NTRK3: variants seen among roughly 807,000 people sequenced by gnomAD.
NTRK3 encodes neurotrophic receptor tyrosine kinase 3, also known as NT-3 growth factor receptor.
NTRK3 carries 24 observed loss-of-function variants against 91.7 expected under a neutral mutation model. That is an observed-to-expected ratio of 0.26 (90% CI 0.19 to 0.37). The LOEUF (loss-of-function observed/expected upper bound fraction) is 0.37. NTRK3 is among the 10% of genes least tolerant of loss of function. NTRK3 has a pLI of 1.00. For missense variants in NTRK3, 880 were observed against 1,068.9 expected (o/e 0.82, Z 2.46); for synonymous variants, 483 against 404.0 (o/e 1.20, Z -2.34).
At chr15:88,029,021 A>C (rs1167591019) in intron 14 of NTRK3, among the ~76,000 whole-genome samples, 2 of 152,218 alleles carry the variant, frequency 1.3e-5, no homozygotes, top group African/African-American at 2.4e-5. Flanking sequence ...CAAGTGACCC[A>C]TCTGGACTGG....
intron 17 of NTRK3, among the ~76,000 whole-genome samples, chr15:87,891,608 G>A (rs189648557): frequency 1.3e-3 from 199 of 152,180 alleles, no homozygotes; most frequent in African/African-American, 4.6e-3. Context: ...CCCTATCTTA[G>A]ATAAAATGTA....
In NTRK3 at chr15:87,872,374, T is replaced by C. The variant is rs186894753; in HGVS notation, c.*4561A>G. 1.2e-4 allele frequency: 27 copies of C among 224,854 alleles called. 1 individual carries two copies. In the East Asian group the frequency reaches 1.7e-3, roughly 14 times the overall value. 13.9% of individuals were successfully genotyped at this position (224,854 alleles called of 1,614,324 possible). ...AGTCATTCCTGAATAGAAAAGGACT[T>C]TGGTGAATAGTCTGCAACTTAAGAC... On this transcript the variant is annotated 3_prime_UTR_variant, in exon 19 of 19. Coordinates refer to ENST00000394480, the Ensembl canonical transcript of NTRK3.
At chr15:87,990,269 T>C (rs2075185300) in intron 14 of NTRK3, among the ~76,000 whole-genome samples, 1 of 152,168 alleles carries the variant, frequency 6.6e-6, no homozygotes, top group Non-Finnish European at 1.5e-5. Context: ...TTCAGACTCT[T>C]TTCTTCACTA....
At chr15:88,032,941 C>T (rs2142020202) in exon 14 of NTRK3, 1 of 1,613,550 alleles carries the variant, frequency 6.2e-7, no homozygotes, top group Non-Finnish European at 8.5e-7. Flanking sequence ...CCAATGACCA[C>T]AGTGTCGGGC....
intron 14 of NTRK3, among the ~76,000 whole-genome samples, chr15:87,945,625 G>C (rs1235917764): frequency 6.7e-6 from 1 of 150,368 alleles, no homozygotes; most frequent in Admixed American, 6.6e-5. Flanking sequence ...TATACACAGA[G>C]CCGCTGGATA....
chr15:88,145,598 C>T lies in NTRK3; in HGVS notation c.464+1737G>A, dbSNP rs1352641774. Among the ~76,000 whole-genome samples the T allele has an allele frequency of 4.6e-5, 7 of 152,258 alleles. No individual in the cohort carries two copies. The East Asian group carries it at 1.2e-3, about 25-fold the overall frequency. ...CGGAACAACTGTTTCTAAAACTCCA[C>T]GTAACAGGTCACCAGGGCAGCAGCA... On this transcript the variant is annotated intron_variant, in intron 6 of 18. Transcript: ENST00000394480.
chr15:88,137,674 G>C, intron 6 of NTRK3, 113 bp from the exon 7 acceptor site: 1 of 1,043,926 alleles, frequency 9.6e-7, no homozygotes, highest in Non-Finnish European at 1.4e-6. Flanking sequence ...AGGGGAGAAG[G>C]GATTTAACAA....
At chr15:87,878,841 C>T (rs566914782) in intron 18 of NTRK3, among the ~76,000 whole-genome samples, 2 of 151,982 alleles carry the variant, frequency 1.3e-5, no homozygotes, top group Non-Finnish European at 2.9e-5. Flanking sequence ...ATAGCAACCT[C>T]AGCCCAGAAC....
intron 5 of NTRK3, among the ~76,000 whole-genome samples, chr15:88,157,554 T>A (rs978464608): frequency 6.6e-6 from 1 of 151,400 alleles, no homozygotes; most frequent in African/African-American, 2.4e-5. Context: ...AGCCCTTCCC[T>A]GTTCCCTCCA....
chr15:88,114,524 A>G (rs1199552029), intron 13 of NTRK3, among the ~76,000 whole-genome samples: 1 of 152,226 alleles, frequency 6.6e-6, no homozygotes. Context: ...CTAAAATATC[A>G]TTCTTGGTAT....
intron 17 of NTRK3, among the ~76,000 whole-genome samples, chr15:87,910,796 C>G (rs1379118091): frequency 6.6e-6 from 1 of 152,134 alleles, no homozygotes; most frequent in Admixed American, 6.5e-5. Flanking sequence ...CTATGCATCA[C>G]TGGCAGTTGC....
intron 17 of NTRK3, among the ~76,000 whole-genome samples, chr15:87,888,566 A>T (rs1415704254): frequency 6.6e-6 from 1 of 152,166 alleles, no homozygotes; most frequent in Non-Finnish European, 1.5e-5. Flanking sequence ...TGATTCCCAT[A>T]GTCCCTTGGC....
chr15:88,037,038 T>C (rs2079136430), intron 13 of NTRK3, among the ~76,000 whole-genome samples: 1 of 152,166 alleles, frequency 6.6e-6, no homozygotes, highest in Admixed American at 6.5e-5. Flanking sequence ...TATTTGAGGA[T>C]TTGAAAAAGC....
At chr15:87,984,592 C>T (rs74809588) in intron 14 of NTRK3, among the ~76,000 whole-genome samples, 4,545 of 152,338 alleles carry the variant, frequency 0.03, 245 homozygotes, top group African/African-American at 0.1. Context: ...TCTTTTATTA[C>T]TCTGAGATTG....
chr15:87,912,398 CA>C (rs1168373905), intron 17 of NTRK3, among the ~76,000 whole-genome samples: 1 of 152,108 alleles, frequency 6.6e-6, no homozygotes, highest in Non-Finnish European at 1.5e-5. Context: ...ACCAGAACAC[CA>C]AACCCAATTC....
rs113171048 is a variant in NTRK3 at position 88,206,343 on chromosome 15, C to CA, written c.249-22045dup. On this transcript the variant is annotated intron_variant, in intron 3 of 18. Transcript: ENST00000394480. Reference sequence around the variant, plus strand: ...CCTGGGCGACAGCGAGACTCCATCTCAAAAAAAAAAACCAAAAAACAAACA... The same window carrying CA: ...CCTGGGCGACAGCGAGACTCCATCTCAAAAAAAAAAAACCAAAAAACAAACA... Among the ~76,000 whole-genome samples the CA allele has an allele frequency of 4.1e-3, 482 of 117,702 alleles. 8 individuals carry two copies. Among genetic ancestry groups the CA allele is most frequent in the East Asian group, 0.012 (44 of 3,702 alleles). 77.2% of individuals were successfully genotyped at this position (117,702 alleles called of 152,430 possible).
intron 5 of NTRK3, among the ~76,000 whole-genome samples, chr15:88,148,334 T>C (rs1321993645): frequency 6.6e-6 from 1 of 152,192 alleles, no homozygotes; most frequent in Non-Finnish European, 1.5e-5. Context: ...AGTTGACCAT[T>C]GAGGGGGAAG....
chr15:87,859,782 C>T, exon 19 of NTRK3: 1 of 175,794 alleles, frequency 5.7e-6, no homozygotes, highest in Admixed American at 6.3e-5. Context: ...GAGAAGAGAC[C>T]CTACATAAAC....
At chr15:87,947,265 A>C (rs919663750) in intron 14 of NTRK3, among the ~76,000 whole-genome samples, 4 of 152,056 alleles carry the variant, frequency 2.6e-5, no homozygotes, top group Non-Finnish European at 5.9e-5. Context: ...AACTTGCCCA[A>C]GATCCCCTAG....
Sources: allele counts gnomAD v4.1 joint callset (sites outside exome capture counted in the v4.1 genomes callset), GRCh38; gene constraint gnomAD v4.1.1; transcripts MANE v1.5; gene names NCBI Gene and HGNC (gene_info 2026-07-23, HGNC 2026-07-21).